The following NDUFA8 variants were observed in gnomAD, a reference collection of about 807,000 sequenced individuals.
NDUFA8 encodes the protein NADH dehydrogenase [ubiquinone] 1 alpha subcomplex subunit 8.
A neutral mutation model predicts 20.9 loss-of-function variants in NDUFA8; 16 were observed. The observed-to-expected ratio is 0.77, with a 90% CI of 0.52 to 1.16. The LOEUF (loss-of-function observed/expected upper bound fraction) is 1.16. Among genes scored for constraint, NDUFA8 ranks in the 50% most tolerant of loss-of-function variants. The probability of loss-of-function intolerance (pLI) is 0.00; values close to 1 mark genes in which losing one functional copy is unlikely to be tolerated. For synonymous variants in NDUFA8, 70 were observed against 76.1 expected, an observed-to-expected ratio of 0.92 and a Z score of 0.41; for missense variants, 202 against 216.4, an observed-to-expected ratio of 0.93 and a Z score of 0.42.
chr9:122,139,409 C>T (rs554345075), downstream of NDUFA8, among the ~76,000 whole-genome samples: 3 of 152,268 alleles, frequency 2.0e-5, no homozygotes, highest in African/African-American at 7.2e-5. Context: ...GGATTTATCA[C>T]AACCTGAAAT....
In NDUFA8 at chr9:122,148,237, A is replaced by G; in HGVS notation, c.256T>C (p.Trp86Arg). The change falls in exon 3 of 4, where the codon TGG (tryptophan) becomes CGG (arginine). Residue 86 changes from tryptophan (W) to arginine (R), a missense_variant. Physicochemically the swap from Trp to Arg is moderately radical, Grantham distance 101. Transcript: ENST00000373768. Reference protein sequence around the residue: ...RHCAEPFTEYWTCIDYTGQQL... With the variant: ...RHCAEPFTEYRTCIDYTGQQL... ...TGGCCAGTATAATCAATGCAAGTCC[A>G]ATATTCTGTAAAAGGCTCTGCACAG... is the stretch of plus-strand genomic sequence containing the variant. 5 of 1,614,214 alleles carry G rather than the reference A, an allele frequency of 3.1e-6. No homozygotes were observed. Among genetic ancestry groups the G allele is most frequent in the Non-Finnish European group, 4.2e-6 (5 of 1,180,032 alleles).
chr9:122,151,774 T>C (rs1233663367), intron 2 of NDUFA8, among the ~76,000 whole-genome samples: 2 of 148,672 alleles, frequency 1.3e-5, no homozygotes, highest in African/African-American at 5.1e-5. Flanking sequence ...TTCCTACAAT[T>C]ACACAGCTTA....
In NDUFA8 at chr9:122,148,181, C is replaced by T. The variant is rs1382055231; in HGVS notation, c.312G>A (p.Gln104=). The T allele has an allele frequency of 6.2e-7, 1 of 1,614,164 alleles. No homozygotes were observed. Residue 104 remains glutamine (Q), a synonymous_variant, in exon 3 of 4, where the codon CAG becomes CAA. Coordinates refer to ENST00000373768, the MANE Select transcript of NDUFA8 (RefSeq NM_014222.3). ...QQLFRHCRKQ[Q]AKFDECVLDK... Reference sequence around the variant, plus strand: ...CCAGCACACACTCGTCAAACTTTGCCTGCTGTTTGCGACAGTGACGAAATA... The same window carrying T: ...CCAGCACACACTCGTCAAACTTTGCTTGCTGTTTGCGACAGTGACGAAATA...
chr9:122,135,683 G>T, the NDUFA8 span, among the ~76,000 whole-genome samples: 1 of 152,160 alleles, frequency 6.6e-6, no homozygotes, highest in African/African-American at 2.4e-5. Flanking sequence ...TTGAAGTCCT[G>T]GGCTCAAGGG....
At chr9:122,134,888 G>A in the NDUFA8 span, among the ~76,000 whole-genome samples, 11 of 152,326 alleles carry the variant, frequency 7.2e-5, no homozygotes, top group East Asian at 9.6e-4. Flanking sequence ...GCCCTCACCC[G>A]GCACGAGAGG....
At chr9:122,141,010 G>A (rs1317634015), downstream of NDUFA8, among the ~76,000 whole-genome samples, 1 of 152,200 alleles carries the variant, frequency 6.6e-6, no homozygotes, top group African/African-American at 2.4e-5. Context: ...GTAGGAAGGG[G>A]ATACTTCCTG....
intron 1 of NDUFA8, among the ~76,000 whole-genome samples, chr9:122,157,214 A>G (rs1295744877): frequency 1.3e-5 from 2 of 152,154 alleles, no homozygotes; most frequent in Admixed American, 1.3e-4. Context: ...CCTCACTTAG[A>G]GGGGTCTTCT....
chr9:122,137,383 A>T, the NDUFA8 span, among the ~76,000 whole-genome samples: 1 of 151,724 alleles, frequency 6.6e-6, no homozygotes, highest in East Asian at 1.9e-4. Flanking sequence ...CTGGGATTAC[A>T]GGTGTGCACC....
chr9:122,153,375 C>CTAGTCCATCTAGTAA (rs139884368), intron 1 of NDUFA8, among the ~76,000 whole-genome samples: 94,258 of 141,008 alleles, frequency 0.67, 32,387 homozygotes, highest in Middle Eastern at 0.7. Context: ...CAAAGAGCAT[C>CTAGTCCATCTAGTAA]TAGTCCATCT....
At chr9:122,148,550 G>A (rs1828942654) in intron 2 of NDUFA8, among the ~76,000 whole-genome samples, 2 of 152,016 alleles carry the variant, frequency 1.3e-5, no homozygotes, top group Admixed American at 1.3e-4. Context: ...TACTCAGAGA[G>A]GAACTCCTTA....
the NDUFA8 span, among the ~76,000 whole-genome samples, chr9:122,136,545 C>G: frequency 6.6e-6 from 1 of 151,928 alleles, no homozygotes; most frequent in Non-Finnish European, 1.5e-5. Context: ...ACTGTCAGTT[C>G]ATAGCGTTCG....
the NDUFA8 span, among the ~76,000 whole-genome samples, chr9:122,134,789 TG>T: frequency 6.6e-6 from 1 of 152,180 alleles, no homozygotes; most frequent in Admixed American, 6.5e-5. Context: ...TATGGTTCTC[TG>T]GGGGTCTCAC....
intron 1 of NDUFA8, among the ~76,000 whole-genome samples, chr9:122,157,970 G>A (rs755201068): frequency 7.2e-5 from 11 of 152,072 alleles, no homozygotes; most frequent in Non-Finnish European, 1.3e-4. Flanking sequence ...TGGCTAACAC[G>A]GTGAAACCCC....
At chr9:122,135,168 T>C in the NDUFA8 span, among the ~76,000 whole-genome samples, 1 of 152,312 alleles carries the variant, frequency 6.6e-6, no homozygotes, top group South Asian at 2.1e-4. Flanking sequence ...TCTCTGCCTG[T>C]CCACCTTGCC....
At chr9:122,133,166 G>A in the NDUFA8 span, among the ~76,000 whole-genome samples, 1 of 152,138 alleles carries the variant, frequency 6.6e-6, no homozygotes, top group South Asian at 2.1e-4. Context: ...TGGCCGAGCT[G>A]GGAATTGAAC....
At chr9:122,140,197 T>C (rs1469402942), downstream of NDUFA8, among the ~76,000 whole-genome samples, 1 of 152,256 alleles carries the variant, frequency 6.6e-6, no homozygotes, top group Non-Finnish European at 1.5e-5. Context: ...CTCCCTAGTC[T>C]CTGGAATCTG....
downstream of NDUFA8, among the ~76,000 whole-genome samples, chr9:122,141,000 G>A (rs189050119): frequency 1.3e-5 from 2 of 152,188 alleles, no homozygotes; most frequent in African/African-American, 2.4e-5. Flanking sequence ...ATTTTTGGCT[G>A]TAGGAAGGGG....
Position 122,159,751 on chromosome 9 carries a change from C to A in NDUFA8, c.-74G>T. 1.2e-6 allele frequency: 2 copies of A among 1,604,296 alleles called. No homozygotes were observed. The highest frequency in any genetic ancestry group is 1.7e-6 in the Non-Finnish European group (2 of 1,172,142). Reference sequence around the variant, plus strand: ...CCGTCTCCTTGAACTCCCCTTTCGACCGCCGAGTGCCACACGGCGCCTGCG... The same window carrying A: ...CCGTCTCCTTGAACTCCCCTTTCGAACGCCGAGTGCCACACGGCGCCTGCG... On this transcript the variant is annotated 5_prime_UTR_variant, in exon 1 of 4. Transcript: ENST00000373768.
chr9:122,157,198 C>T lies in NDUFA8; in HGVS notation c.51+2429G>A, dbSNP rs142964160. On this transcript the variant is annotated intron_variant, in intron 1 of 3. Transcript: ENST00000373768. Reference sequence around the variant, plus strand: ...TCCCATCTCCTTACTTTTGCTCAGACCCTACCCTCACTTAGAGGGGTCTTC... The same window carrying T: ...TCCCATCTCCTTACTTTTGCTCAGATCCTACCCTCACTTAGAGGGGTCTTC... Among the ~76,000 whole-genome samples, 838 of 152,328 alleles carry T rather than the reference C, an allele frequency of 5.5e-3. 3 individuals carry two copies. The highest frequency in any genetic ancestry group is 7.6e-3 in the Non-Finnish European group (516 of 68,034).
Sources: gnomAD v4.1 joint callset for allele counts (sites outside exome capture counted in the v4.1 genomes callset) on GRCh38, gnomAD v4.1.1 for gene constraint, MANE v1.5 for transcripts, NCBI Gene and HGNC (gene_info 2026-07-23, HGNC 2026-07-21) for gene names.